The following CELF1 variants were observed in gnomAD, a reference collection of about 807,000 sequenced individuals.
CELF1 encodes the protein 50 kDa nuclear polyadenylated RNA-binding protein.
A neutral mutation model predicts 61.8 loss-of-function variants in CELF1; 10 were observed. That is an observed-to-expected ratio of 0.16 (90% CI 0.10 to 0.27). The LOEUF is 0.27. Among genes scored for constraint, CELF1 ranks in the 10% least tolerant of loss-of-function variants. The probability of loss-of-function intolerance (pLI) is 1.00; values close to 1 mark genes in which losing one functional copy is unlikely to be tolerated. For synonymous variants in CELF1, 236 were observed against 225.1 expected, an observed-to-expected ratio of 1.05 and a Z score of -0.43; for missense variants, 380 against 639.1, an observed-to-expected ratio of 0.59 and a Z score of 4.37.
At chr11:47,486,148 G>A (rs12808834) in intron 6 of CELF1, among the ~76,000 whole-genome samples, 57,252 of 57,260 alleles carry the variant, frequency 1, 28,622 homozygotes, top group Middle Eastern at 1. Context: ...GCAACAGAGT[G>A]AGACTCCATC....
At chr11:47,550,514 G>A (rs1269522653) in intron 1 of CELF1, among the ~76,000 whole-genome samples, 4 of 152,228 alleles carry the variant, frequency 2.6e-5, no homozygotes, top group African/African-American at 9.6e-5. Context: ...ACTCCATGGC[G>A]GGGTTGGGGG....
intron 1 of CELF1, among the ~76,000 whole-genome samples, chr11:47,533,647 C>T (rs1337362080): frequency 6.6e-6 from 1 of 150,844 alleles, no homozygotes; most frequent in African/African-American, 2.4e-5. Context: ...TACATACATA[C>T]ATACATACAT....
chr11:47,476,797 G>GC (rs2080417071), intron 12 of CELF1, 49 bp downstream of exon 12: 1 of 1,418,838 alleles, frequency 7.0e-7, no homozygotes. Flanking sequence ...GTTAAGATGT[G>GC]CTACCTGCAC....
At chr11:47,539,772 T>C (rs1300743432) in intron 1 of CELF1, among the ~76,000 whole-genome samples, 1 of 152,204 alleles carries the variant, frequency 6.6e-6, no homozygotes, top group Non-Finnish European at 1.5e-5. Flanking sequence ...TTGCTCTGCA[T>C]GTGGATGGCT....
intron 1 of CELF1, among the ~76,000 whole-genome samples, chr11:47,541,831 A>G (rs2096811220): frequency 1.3e-5 from 2 of 150,356 alleles, no homozygotes; most frequent in African/African-American, 2.4e-5. Context: ...AGAAAGAAAG[A>G]AAGAAAATGG....
At chr11:47,556,334 G>A (rs1473173705), upstream of CELF1, among the ~76,000 whole-genome samples, 1 of 152,126 alleles carries the variant, frequency 6.6e-6, no homozygotes, top group Non-Finnish European at 1.5e-5. Context: ...ACAGGTGTGT[G>A]CCACCATGTC....
intron 3 of CELF1, chr11:47,494,403 C>T: frequency 1.0e-6 from 1 of 984,368 alleles, no homozygotes; most frequent in Non-Finnish European, 1.2e-6. Context: ...AAATTCAGGA[C>T]AAGAGGTTAC....
chr11:47,540,185 A>G (rs2096738268), intron 1 of CELF1, among the ~76,000 whole-genome samples: 1 of 152,208 alleles, frequency 6.6e-6, no homozygotes, highest in Non-Finnish European at 1.5e-5. Context: ...ATCTTGCTGA[A>G]ATAATAAAAT....
rs1018559698 is a variant in CELF1 at position 47,472,073 on chromosome 11, C to T, written c.*157G>A. On this transcript the variant is annotated 3_prime_UTR_variant, in exon 15 of 15. Transcript: ENST00000687097. ...TACGAAGCGAAACTCCCACAGAAGG[C>T]AGTAGCCGAGTCTTCAGGGCAAGCT... The T allele has an allele frequency of 3.8e-6, 3 of 781,418 alleles. No individual in the cohort carries two copies. In the South Asian group the frequency reaches 6.1e-5, roughly 16 times the overall value. 48.4% of individuals were successfully genotyped at this position (781,418 alleles called of 1,614,324 possible).
chr11:47,553,788 G>T (rs2097191773), upstream of CELF1, among the ~76,000 whole-genome samples: 1 of 149,920 alleles, frequency 6.7e-6, no homozygotes, highest in Non-Finnish European at 1.5e-5. Flanking sequence ...GCCATAACCT[G>T]CTTTTACCGA....
At chr11:47,484,248 C>A in intron 7 of CELF1, 141 bp downstream of exon 7, 1 of 806,528 alleles carries the variant, frequency 1.2e-6, no homozygotes. Flanking sequence ...CTGGGAGGTT[C>A]AGGCTGCAGT....
chr11:47,529,384 A>G (rs2096382643), intron 1 of CELF1, among the ~76,000 whole-genome samples: 1 of 151,896 alleles, frequency 6.6e-6, no homozygotes, highest in African/African-American at 2.4e-5. Context: ...CCCAATCTCT[A>G]CTAAAAATAT....
chr11:47,540,115 C>T (rs1008932481), intron 1 of CELF1, among the ~76,000 whole-genome samples: 2 of 152,168 alleles, frequency 1.3e-5, no homozygotes, highest in African/African-American at 4.8e-5. Flanking sequence ...TGAACCACTC[C>T]CCTAAAGTAT....
intron 3 of CELF1, among the ~76,000 whole-genome samples, chr11:47,494,672 G>C (rs952103310): frequency 2.6e-5 from 4 of 152,244 alleles, no homozygotes; most frequent in African/African-American, 9.6e-5. Flanking sequence ...TAAACCATGT[G>C]GTGGGTCTTA....
chr11:47,509,885 G>A (rs2094926337), intron 1 of CELF1, among the ~76,000 whole-genome samples: 1 of 110,258 alleles, frequency 9.1e-6, no homozygotes, highest in African/African-American at 3.4e-5. Flanking sequence ...AAATTAGCTG[G>A]GTGTGGTGTC....
At chr11:47,517,260 G>GAAAAAAAAAAAAAAAAAA (rs57071560) in intron 1 of CELF1, among the ~76,000 whole-genome samples, 3 of 76,994 alleles carry the variant, frequency 3.9e-5, no homozygotes, top group Non-Finnish European at 6.3e-5. Context: ...AACAAACAGA[G>GAAAAAAAAAAAAAAAAAA]AAAAAAAAAA....
chr11:47,527,982 G>C (rs1219445299), intron 1 of CELF1, among the ~76,000 whole-genome samples: 1 of 152,154 alleles, frequency 6.6e-6, no homozygotes, highest in African/African-American at 2.4e-5. Context: ...TGTAATCCCA[G>C]CTACTCCGGA....
chr11:47,471,979 A>C lies in CELF1; in HGVS notation c.*251T>G, dbSNP rs1012101752. On this transcript the variant is annotated 3_prime_UTR_variant, in exon 15 of 15. Coordinates refer to ENST00000687097, the MANE Select transcript of CELF1 (RefSeq NM_001376376.1). Reference sequence around the variant, plus strand: ...GGAGAAACAAAAACAAAAACAAAAAAAACCTCAGGATATGGCACCTAAACT... The same window carrying C: ...GGAGAAACAAAAACAAAAACAAAAACAACCTCAGGATATGGCACCTAAACT... 7 of 411,126 alleles carry C rather than the reference A, an allele frequency of 1.7e-5. No individual in the cohort carries two copies. Among genetic ancestry groups the C allele is most frequent in the Non-Finnish European group, 3.1e-5 (7 of 226,770 alleles). 25.5% of individuals were successfully genotyped at this position (411,126 alleles called of 1,614,324 possible). A position where few individuals can be genotyped will look rare whatever the true frequency, so the allele number is the denominator to read the frequency against.
intron 1 of CELF1, among the ~76,000 whole-genome samples, chr11:47,511,330 A>C (rs2095145230): frequency 6.6e-6 from 1 of 152,284 alleles, no homozygotes; most frequent in African/African-American, 2.4e-5. Flanking sequence ...CCCAACTGTC[A>C]GTCTCTCTTG....
Sources: gnomAD v4.1 joint callset for allele counts (sites outside exome capture counted in the v4.1 genomes callset) on GRCh38, gnomAD v4.1.1 for gene constraint, MANE v1.5 for transcripts, NCBI Gene and HGNC (gene_info 2026-07-23, HGNC 2026-07-21) for gene names.